The following CLASP2 variants were observed in gnomAD, a reference collection of about 807,000 sequenced individuals.
CLASP2 encodes cytoplasmic linker associated protein 2, also known as CLIP-associating protein 2.
CLASP2 carries 47 observed loss-of-function variants against 194.4 expected under a neutral mutation model. The ratio of observed to expected loss-of-function variants is 0.24; its 90% confidence interval spans 0.19 to 0.31. The LOEUF is 0.31. Ranked by LOEUF, CLASP2 falls within the 10% of genes least tolerant of loss-of-function variation. CLASP2 has a pLI of 1.00. For missense variants in CLASP2, 1,445 were observed against 1,823.6 expected (o/e 0.79, Z 3.78); for synonymous variants, 619 against 633.5 (o/e 0.98, Z 0.34).
intron 12 of CLASP2, among the ~76,000 whole-genome samples, chr3:33,616,499 A>C (rs1208661251): frequency 1.3e-5 from 2 of 152,122 alleles, no homozygotes; most frequent in Non-Finnish European, 2.9e-5. Flanking sequence ...TGAATGTATA[A>C]TGAATAAATG....
chr3:33,601,045 G>A (rs1178988469), intron 18 of CLASP2, among the ~76,000 whole-genome samples: 1 of 136,198 alleles, frequency 7.3e-6, no homozygotes, highest in African/African-American at 2.8e-5. Flanking sequence ...TGCAACCTCC[G>A]CCTCCCGGGT....
chr3:33,714,315 C>T (rs1479959311), intron 1 of CLASP2, among the ~76,000 whole-genome samples: 2 of 152,122 alleles, frequency 1.3e-5, no homozygotes, highest in Admixed American at 1.3e-4. Context: ...TACATATATG[C>T]CTATTTCCAT....
rs2058897420 is a variant in CLASP2 at position 33,544,855 on chromosome 3, G to A, written c.3154-14C>T. On this transcript the variant is annotated splice_polypyrimidine_tract_variant and intron_variant, in intron 30 of 38. Transcript: ENST00000682230. ...TGACTGTGCTGCCTAAAAAACAAAG[G>A]CATACAGTAGATGAATATATTTTTG... 6.3e-7 allele frequency: 1 copy of A among 1,584,690 alleles called. No homozygotes were observed. The highest frequency in any genetic ancestry group is 8.6e-7 in the Non-Finnish European group (1 of 1,166,488).
intron 6 of CLASP2, among the ~76,000 whole-genome samples, chr3:33,666,766 C>G (rs1004794109): frequency 6.6e-6 from 1 of 152,118 alleles, no homozygotes; most frequent in African/African-American, 2.4e-5. Flanking sequence ...CTATGTTTGA[C>G]ATTTTGAGGA....
chr3:33,594,946 CT>C lies in CLASP2; in HGVS notation c.1966+4del. ...TGTGTTACTAACAAAATGTATAGTT[CT>C]TACCATCTTCAGATGCTGTTCCTAA... On this transcript the variant is annotated splice_donor_region_variant and intron_variant, in intron 20 of 38. Transcript: ENST00000682230. The C allele has an allele frequency of 1.4e-6, 2 of 1,403,150 alleles. No homozygotes were observed. Among genetic ancestry groups the C allele is most frequent in the Non-Finnish European group, 1.9e-6 (2 of 1,049,546 alleles). 86.9% of individuals were successfully genotyped at this position (1,403,150 alleles called of 1,614,324 possible). A position where few individuals can be genotyped will look rare whatever the true frequency, so the allele number is the denominator to read the frequency against.
chr3:33,676,429 C>T (rs1199909019), intron 6 of CLASP2, among the ~76,000 whole-genome samples: 1 of 146,922 alleles, frequency 6.8e-6, no homozygotes, highest in African/African-American at 2.5e-5. Flanking sequence ...CTTTGACAAA[C>T]CTGAGAAAAA....
At chr3:33,702,206 A>G (rs1256891156) in intron 1 of CLASP2, among the ~76,000 whole-genome samples, 1 of 152,206 alleles carries the variant, frequency 6.6e-6, no homozygotes, top group Non-Finnish European at 1.5e-5. Flanking sequence ...AAAAGTTGGA[A>G]GACTCAAATT....
intron 1 of CLASP2, among the ~76,000 whole-genome samples, chr3:33,706,165 C>T (rs1348232446): frequency 6.6e-6 from 1 of 152,032 alleles, no homozygotes; most frequent in Non-Finnish European, 1.5e-5. Context: ...GAAGGATCAC[C>T]TGAGCCCGGG....
chr3:33,690,406 C>T (rs986682275), intron 2 of CLASP2, among the ~76,000 whole-genome samples: 1 of 152,124 alleles, frequency 6.6e-6, no homozygotes, highest in Admixed American at 6.5e-5. Context: ...CAGTACTCAT[C>T]TCAGAGGATT....
intron 7 of CLASP2, among the ~76,000 whole-genome samples, chr3:33,651,075 T>C (rs2083106841): frequency 6.6e-6 from 1 of 152,188 alleles, no homozygotes; most frequent in Non-Finnish European, 1.5e-5. Flanking sequence ...TCAGTATGAA[T>C]TCACATACAT....
At chr3:33,541,067 G>A (rs1010018865) in intron 32 of CLASP2, among the ~76,000 whole-genome samples, 1 of 152,080 alleles carries the variant, frequency 6.6e-6, no homozygotes, top group Non-Finnish European at 1.5e-5. Flanking sequence ...ATGAATTATT[G>A]TGGAAGATAG....
intron 6 of CLASP2, among the ~76,000 whole-genome samples, chr3:33,682,564 TATG>T (rs1439608395): frequency 6.6e-6 from 1 of 152,062 alleles, no homozygotes; most frequent in Non-Finnish European, 1.5e-5. Flanking sequence ...AAAATTTCAT[TATG>T]AAGAAAAAGA....
At chr3:33,684,531 C>T (rs1285675235) in intron 5 of CLASP2, 75 bp from the exon 6 acceptor site, 8 of 902,274 alleles carry the variant, frequency 8.9e-6, no homozygotes, top group Non-Finnish European at 1.3e-5. Flanking sequence ...GGTAACATTA[C>T]ACTAACAGAC....
At position 33,688,375 on chromosome 3, in the gene CLASP2, G is replaced by C. The variant is rs1454200899; in HGVS notation, c.379-7C>G. The C allele has an allele frequency of 1.3e-6, 2 of 1,554,482 alleles. No homozygotes were observed. The highest frequency in any genetic ancestry group is 1.7e-6 in the Non-Finnish European group (2 of 1,150,986). The stretch of plus-strand genomic sequence containing the variant: ...CCAACTGCTCCCAAATGTACTATTT[G>C]AAAGAAAAGTAAAAACGTATAACAA... On this transcript the variant is annotated splice_region_variant and splice_polypyrimidine_tract_variant and intron_variant, in intron 3 of 38. Transcript: ENST00000682230.
intron 31 of CLASP2, among the ~76,000 whole-genome samples, chr3:33,543,945 T>A (rs575782580): frequency 6.6e-6 from 1 of 152,204 alleles, no homozygotes; most frequent in African/African-American, 2.4e-5. Context: ...ATTCTTAAGA[T>A]ATGATGAAAT....
Position 33,510,843 on chromosome 3 carries a change from G to T in CLASP2, c.4111-79C>A. ...ATCCTGGAAGTATAAACTTCATGAA[G>T]TATTCAATATAATATATGGAATTTG... On this transcript the variant is annotated intron_variant, in intron 36 of 38. Coordinates refer to ENST00000682230, the MANE Select transcript of CLASP2 (RefSeq NM_001365631.1). 5 of 1,241,836 alleles carry T rather than the reference G, an allele frequency of 4.0e-6. No individual in the cohort carries two copies. The Admixed American group carries it at 9.0e-5, about 22-fold the overall frequency. 76.9% of individuals were successfully genotyped at this position (1,241,836 alleles called of 1,614,324 possible).
chr3:33,651,997 G>A (rs1252820648), intron 7 of CLASP2, among the ~76,000 whole-genome samples: 5 of 152,076 alleles, frequency 3.3e-5, no homozygotes, highest in African/African-American at 7.2e-5. Context: ...TCCAAAACCC[G>A]AAACTTCTGC....
At chr3:33,508,491 G>A (rs1166170003) in intron 37 of CLASP2, among the ~76,000 whole-genome samples, 1 of 151,668 alleles carries the variant, frequency 6.6e-6, no homozygotes, top group Non-Finnish European at 1.5e-5. Flanking sequence ...CCACCAGCCA[G>A]CTAACTTTTG....
chr3:33,618,488 A>G (rs2076580456), intron 12 of CLASP2, among the ~76,000 whole-genome samples: 1 of 151,720 alleles, frequency 6.6e-6, no homozygotes, highest in Non-Finnish European at 1.5e-5. Context: ...TCTACTAAAA[A>G]TACAAAAAAA....
Sources: allele counts gnomAD v4.1 joint callset (sites outside exome capture counted in the v4.1 genomes callset), GRCh38; gene constraint gnomAD v4.1.1; transcripts MANE v1.5; gene names NCBI Gene and HGNC (gene_info 2026-07-23, HGNC 2026-07-21).